MAGI2: variants seen among roughly 807,000 people sequenced by gnomAD.
MAGI2 encodes the protein membrane associated guanylate kinase, WW and PDZ domain containing 2.
MAGI2 carries 35 observed loss-of-function variants against 133.3 expected under a neutral mutation model. The ratio of observed to expected loss-of-function variants is 0.26; its 90% CI spans 0.20 to 0.35. The LOEUF is 0.35. Among genes scored for constraint, MAGI2 ranks in the 10% least tolerant of loss-of-function variants. MAGI2 has a pLI of 1.00. For missense variants in MAGI2, 1,636 were observed against 1,863.4 expected, an observed-to-expected ratio of 0.88 and a Z score of 2.25; for synonymous variants, 729 against 710.6, an observed-to-expected ratio of 1.03 and a Z score of -0.41.
chr7:79,299,903 T>C (rs1354295119), intron 1 of MAGI2, among the ~76,000 whole-genome samples: 1 of 152,138 alleles, frequency 6.6e-6, no homozygotes, highest in Non-Finnish European at 1.5e-5. Context: ...TCTTTCTCTC[T>C]TGTTTCTGCT....
At chr7:78,964,885 A>G (rs1584520277) in intron 2 of MAGI2, among the ~76,000 whole-genome samples, 1 of 152,108 alleles carries the variant, frequency 6.6e-6, no homozygotes, top group South Asian at 2.1e-4. Context: ...AGAATATCAT[A>G]CAGTCTCTCA....
chr7:78,533,599 T>C (rs1797647167), intron 3 of MAGI2, among the ~76,000 whole-genome samples: 1 of 152,190 alleles, frequency 6.6e-6, no homozygotes, highest in East Asian at 1.9e-4. Flanking sequence ...ACTTGTTACA[T>C]CTGGCTGTTG....
chr7:78,590,836 A>T (rs932585239), intron 3 of MAGI2, among the ~76,000 whole-genome samples: 1 of 152,212 alleles, frequency 6.6e-6, no homozygotes, highest in African/African-American at 2.4e-5. Context: ...CTATTGGAGC[A>T]ATGTAATTTA....
At position 78,991,233 on chromosome 7, in the gene MAGI2, T is replaced by C. The variant is rs568938848; in HGVS notation, c.418+15857A>G. 2.0e-5 allele frequency among the ~76,000 whole-genome samples: 3 copies of C among 151,734 alleles called. No individual in the cohort carries two copies. In the South Asian group the frequency reaches 6.3e-4, roughly 32 times the overall value. On this transcript the variant is annotated intron_variant, in intron 2 of 21. Coordinates refer to ENST00000354212, the MANE Select transcript of MAGI2 (RefSeq NM_012301.4). ...TGGCCTCCCTGGCCATATGGAACTG[T>C]GAGTCAACTAAACCTTTCTTTTATA...
At position 78,019,201 on chromosome 7, in the gene MAGI2, T is replaced by A; in HGVS notation, c.*114A>T. On this transcript the variant is annotated 3_prime_UTR_variant, in exon 22 of 22. Coordinates refer to ENST00000354212, the MANE Select transcript of MAGI2 (RefSeq NM_012301.4). ...ACTTCACGTCGATGCTCCCAGGCCTTGGTGCCTCGTGGATCTATGCGTGTG... is the reference window on the plus strand; with the variant it reads ...ACTTCACGTCGATGCTCCCAGGCCTAGGTGCCTCGTGGATCTATGCGTGTG... 8.0e-7 allele frequency: 1 copy of A among 1,256,376 alleles called. No homozygotes were observed. The highest frequency in any genetic ancestry group is 1.1e-6 in the Non-Finnish European group (1 of 914,018). 77.8% of individuals were successfully genotyped at this position (1,256,376 alleles called of 1,614,324 possible). A position where few individuals can be genotyped will look rare whatever the true frequency, so the allele number is the denominator to read the frequency against.
intron 6 of MAGI2, among the ~76,000 whole-genome samples, chr7:78,428,248 A>G (rs572613969): frequency 2.0e-5 from 3 of 152,318 alleles, no homozygotes; most frequent in Admixed American, 1.3e-4. Context: ...AGAAGGTGGG[A>G]GCAGGTTCTG....
intron 12 of MAGI2, among the ~76,000 whole-genome samples, chr7:78,190,442 A>G (rs954291389): frequency 6.6e-6 from 1 of 152,244 alleles, no homozygotes; most frequent in African/African-American, 2.4e-5. Context: ...CCTTGAATAG[A>G]GTATATAAAA....
At chr7:79,019,108 GAC>G (rs369516660) in intron 1 of MAGI2, among the ~76,000 whole-genome samples, 54 of 152,228 alleles carry the variant, frequency 3.5e-4, no homozygotes, top group African/African-American at 1.3e-3. Context: ...ATTTGCACAT[GAC>G]ACACACTTTA....
chr7:79,286,240 T>G (rs968089772), intron 1 of MAGI2, among the ~76,000 whole-genome samples: 8 of 152,050 alleles, frequency 5.3e-5, no homozygotes, highest in African/African-American at 2.4e-5. Context: ...ATATAAGTAA[T>G]AAATATAAAG....
intron 3 of MAGI2, among the ~76,000 whole-genome samples, chr7:78,571,007 A>G (rs1411174108): frequency 6.6e-6 from 1 of 152,218 alleles, no homozygotes; most frequent in East Asian, 1.9e-4. Context: ...TTTTAGCTTG[A>G]GTAAATAAAA....
chr7:78,089,030 G>T (rs896443410), intron 20 of MAGI2, among the ~76,000 whole-genome samples: 2 of 152,148 alleles, frequency 1.3e-5, no homozygotes, highest in Non-Finnish European at 2.9e-5. Flanking sequence ...AAGCCAAGGA[G>T]TTTCTAGAAG....
intron 1 of MAGI2, among the ~76,000 whole-genome samples, chr7:79,097,089 A>G (rs552836016): frequency 6.6e-6 from 1 of 152,202 alleles, no homozygotes; most frequent in South Asian, 2.1e-4. Context: ...TACACTTATT[A>G]TTATTAGCTA....
rs544203724 is a variant in MAGI2, at chr7:78,068,301, C to T, written c.3706+10646G>A. Among the ~76,000 whole-genome samples the T allele has an allele frequency of 2.4e-3, 362 of 152,276 alleles. 1 individual carries two copies. The highest frequency in any genetic ancestry group is 8.0e-3 in the African/African-American group (332 of 41,558). On this transcript the variant is annotated intron_variant, in intron 21 of 21. Coordinates refer to ENST00000354212, the MANE Select transcript of MAGI2 (RefSeq NM_012301.4). ...GGTGGAGCTCAGGCAGTAATGCTCC[C>T]GTGCCCACTGCTCACCTCCTGCTAT...
At position 78,687,624 on chromosome 7, in the gene MAGI2, C is replaced by T. The variant is rs114855111; in HGVS notation, c.419-60385G>A. On this transcript the variant is annotated intron_variant, in intron 2 of 21. Coordinates refer to ENST00000354212, the MANE Select transcript of MAGI2 (RefSeq NM_012301.4). ...TTAATAATTTAAAAGGTTGCCATGA[C>T]ATCCAATTTTTCTGGATAACTGAAG... is the stretch of plus-strand genomic sequence containing the variant. Among the ~76,000 whole-genome samples the T allele has an allele frequency of 1.4e-3, 217 of 152,188 alleles. 2 individuals carry two copies. Among genetic ancestry groups the T allele is most frequent in the African/African-American group, 4.5e-3 (186 of 41,528 alleles).
chr7:79,391,462 T>G (rs1009151535), intron 1 of MAGI2, among the ~76,000 whole-genome samples: 1 of 144,210 alleles, frequency 6.9e-6, no homozygotes, highest in Non-Finnish European at 1.5e-5. Context: ...AAGGAAAAAA[T>G]GTATTCTAAA....
chr7:78,387,548 A>T (rs1312712743), intron 6 of MAGI2, among the ~76,000 whole-genome samples: 1 of 152,208 alleles, frequency 6.6e-6, no homozygotes, highest in East Asian at 1.9e-4. Context: ...TAAAAGAGAC[A>T]GGCAAGTCTT....
In MAGI2 at chr7:79,128,974, G is replaced by A. The variant is rs577476231; in HGVS notation, c.302-121768C>T. On this transcript the variant is annotated intron_variant, in intron 1 of 21. Coordinates refer to ENST00000354212, the MANE Select transcript of MAGI2 (RefSeq NM_012301.4). ...CAACCTCCATCTCTCGAGTTCCAGC[G>A]CTTCTTCCACCTCAGCCTCCCGAGT... Among the ~76,000 whole-genome samples, 123 of 152,186 alleles carry A rather than the reference G, an allele frequency of 8.1e-4. 2 individuals are homozygous for A. In the South Asian group the frequency reaches 0.023, roughly 29 times the overall value.
rs143826990 is a variant in MAGI2, at chr7:78,812,502, C to T, written c.419-185263G>A. The stretch of plus-strand genomic sequence containing the variant: ...TAATCCAAACATAACTTAAAACCAG[C>T]CCAATATGGTAGCATGTGATTATTA... On this transcript the variant is annotated intron_variant, in intron 2 of 21. Transcript: ENST00000354212. Among the ~76,000 whole-genome samples, 19 of 152,134 alleles carry T rather than the reference C, an allele frequency of 1.2e-4. 1 individual carries two copies. The East Asian group carries it at 3.5e-3, about 28-fold the overall frequency.
Position 79,407,254 on chromosome 7 carries a change from T to C in MAGI2, c.301+45766A>G, listed in dbSNP as rs573884013. Among the ~76,000 whole-genome samples the C allele has an allele frequency of 2.6e-5, 4 of 152,206 alleles. 1 individual carries two copies. The highest frequency in any genetic ancestry group is 2.6e-4 in the Admixed American group (4 of 15,274). On this transcript the variant is annotated intron_variant, in intron 1 of 21. Coordinates refer to ENST00000354212, the MANE Select transcript of MAGI2 (RefSeq NM_012301.4). ...CTGATGACTGGCTAGTAAAGATAAA[T>C]CTTGGAGTGAAACTGGCATCTGAAC...
Sources: allele counts gnomAD v4.1 joint callset (sites outside exome capture counted in the v4.1 genomes callset), GRCh38; gene constraint gnomAD v4.1.1; transcripts MANE v1.5; gene names NCBI Gene and HGNC (gene_info 2026-07-23, HGNC 2026-07-21).